The following CSMD1 variants were observed in gnomAD, a reference collection of about 807,000 sequenced individuals.
CSMD1 encodes CUB and Sushi multiple domains 1.
In CSMD1, 213 loss-of-function variants were observed where a neutral mutation model predicts 417.5. The observed-to-expected ratio is 0.51, with a 90% CI of 0.46 to 0.57. The LOEUF is 0.57. Among genes scored for constraint, CSMD1 ranks in the 20% least tolerant of loss-of-function variants. CSMD1 has a pLI of 0.00. For synonymous variants in CSMD1, 2,862 were observed against 1,736.8 expected (o/e 1.65, Z -16.11); for missense variants, 6,923 against 4,529.7 (o/e 1.53, Z -15.17).
intron 3 of CSMD1, among the ~76,000 whole-genome samples, chr8:4,127,339 G>C (rs1443125074): frequency 6.7e-6 from 1 of 149,798 alleles, no homozygotes; most frequent in Non-Finnish European, 1.5e-5. Context: ...GGCAGTACAA[G>C]CCTCTCCCTT....
intron 5 of CSMD1, among the ~76,000 whole-genome samples, chr8:3,801,683 G>T (rs567469932): frequency 6.6e-6 from 1 of 152,188 alleles, no homozygotes; most frequent in Admixed American, 6.5e-5. Flanking sequence ...AATATTCATG[G>T]CAGCATCATT....
intron 5 of CSMD1, among the ~76,000 whole-genome samples, chr8:3,852,391 G>A (rs1024742495): frequency 1.3e-5 from 2 of 152,130 alleles, no homozygotes; most frequent in African/African-American, 4.8e-5. Flanking sequence ...CCAAGTGGAT[G>A]AGCATGTACA....
chr8:3,499,131 T>C (rs892741380), intron 10 of CSMD1, among the ~76,000 whole-genome samples: 23 of 152,332 alleles, frequency 1.5e-4, no homozygotes, highest in African/African-American at 4.3e-4. Flanking sequence ...AATATTAGAA[T>C]GTAGTTTTAG....
chr8:4,043,567 G>T (rs1404907437), intron 3 of CSMD1, among the ~76,000 whole-genome samples: 7 of 152,326 alleles, frequency 4.6e-5, no homozygotes, highest in African/African-American at 1.7e-4. Context: ...GTGTGCTGCT[G>T]TCTGGCCGCC....
intron 3 of CSMD1, among the ~76,000 whole-genome samples, chr8:4,095,890 A>T (rs991004968): frequency 6.6e-6 from 1 of 152,212 alleles, no homozygotes; most frequent in Non-Finnish European, 1.5e-5. Context: ...TTAAGAGTAG[A>T]AACTTTATAC....
intron 1 of CSMD1, among the ~76,000 whole-genome samples, chr8:4,965,440 G>A (rs1217721673): frequency 6.6e-6 from 1 of 152,216 alleles, no homozygotes; most frequent in Non-Finnish European, 1.5e-5. Flanking sequence ...AGATAGATGA[G>A]TTGTCTCAGT....
In CSMD1 at chr8:4,855,285, A is replaced by T. The variant is rs556500901; in HGVS notation, c.85+139047T>A. ...CTGTACATAACCATCATCAAAGACCAAAAGTAGATAAAACCACAAAGATGG... is the reference window on the plus strand; with the variant it reads ...CTGTACATAACCATCATCAAAGACCTAAAGTAGATAAAACCACAAAGATGG... On this transcript the variant is annotated intron_variant, in intron 1 of 69. Transcript: ENST00000635120. Among the ~76,000 whole-genome samples, 4 of 151,868 alleles carry T rather than the reference A, an allele frequency of 2.6e-5. 1 individual carries two copies. The East Asian group carries it at 7.9e-4, about 30-fold the overall frequency.
chr8:4,300,981 G>T (rs905515203), intron 3 of CSMD1, among the ~76,000 whole-genome samples: 1 of 152,126 alleles, frequency 6.6e-6, no homozygotes, highest in Non-Finnish European at 1.5e-5. Context: ...TGTAAATAGT[G>T]CACTATAAAC....
intron 47 of CSMD1, 135 bp downstream of exon 47, chr8:3,096,714 T>A (rs914210264): frequency 3.1e-6 from 2 of 646,948 alleles, no homozygotes; most frequent in Non-Finnish European, 2.6e-6. Flanking sequence ...CCAAACTAGT[T>A]TATTTTTTGT....
chr8:3,444,218 G>C (rs1201826068), intron 12 of CSMD1, among the ~76,000 whole-genome samples: 3 of 152,100 alleles, frequency 2.0e-5, no homozygotes, highest in Non-Finnish European at 2.9e-5. Context: ...GAATCACTGG[G>C]CTGGATGACT....
At chr8:4,404,247 G>C (rs772950634) in intron 3 of CSMD1, among the ~76,000 whole-genome samples, 1 of 152,152 alleles carries the variant, frequency 6.6e-6, no homozygotes, top group South Asian at 2.1e-4. Context: ...GTCACCTTGT[G>C]ATAGGCTATA....
chr8:3,691,082 A>G (rs1219020602), intron 7 of CSMD1, among the ~76,000 whole-genome samples: 1 of 151,980 alleles, frequency 6.6e-6, no homozygotes, highest in South Asian at 2.1e-4. Flanking sequence ...AACTGTATCA[A>G]TGGGCCGGGC....
At position 3,082,534 on chromosome 8, in the gene CSMD1, G is replaced by A. The variant is rs140307293; in HGVS notation, c.7474+4563C>T. Among the ~76,000 whole-genome samples, 134 of 152,160 alleles carry A rather than the reference G, an allele frequency of 8.8e-4. 1 individual carries two copies. The highest frequency in any genetic ancestry group is 7.1e-3 in the Admixed American group (108 of 15,276). ...TCAGTTTTTAAGACTCTCTCCCTCCGGACTAGCAGAGCCATAAGAGCTGGG... is the reference window on the plus strand; with the variant it reads ...TCAGTTTTTAAGACTCTCTCCCTCCAGACTAGCAGAGCCATAAGAGCTGGG... On this transcript the variant is annotated intron_variant, in intron 49 of 69. Transcript: ENST00000635120.
rs1456749006 is a variant in CSMD1 at position 4,841,495 on chromosome 8, T to C, written c.85+152837A>G. Among the ~76,000 whole-genome samples, 24 of 152,160 alleles carry C rather than the reference T, an allele frequency of 1.6e-4. 1 individual carries two copies. Among genetic ancestry groups the C allele is most frequent in the Admixed American group, 1.6e-3 (24 of 15,280 alleles). On this transcript the variant is annotated intron_variant, in intron 1 of 69. Coordinates refer to ENST00000635120, the MANE Select transcript of CSMD1 (RefSeq NM_033225.6). ...AGCAAAGGAAATACCACTGGACAAGTCACTAAGTTTTCTTAAGTAAAATAA... is the reference window on the plus strand; with the variant it reads ...AGCAAAGGAAATACCACTGGACAAGCCACTAAGTTTTCTTAAGTAAAATAA...
At chr8:4,914,370 A>C (rs1276761369) in intron 1 of CSMD1, among the ~76,000 whole-genome samples, 2 of 152,032 alleles carry the variant, frequency 1.3e-5, no homozygotes, top group Non-Finnish European at 2.9e-5. Context: ...AGGTCAGGAG[A>C]TCGAGACCAT....
At chr8:4,765,399 G>A (rs1352148969) in intron 1 of CSMD1, among the ~76,000 whole-genome samples, 2 of 152,160 alleles carry the variant, frequency 1.3e-5, no homozygotes, top group African/African-American at 4.8e-5. Flanking sequence ...ATACATTGAG[G>A]ATTATAGTCT....
At chr8:3,669,597 A>G (rs916711167) in intron 7 of CSMD1, among the ~76,000 whole-genome samples, 11 of 152,204 alleles carry the variant, frequency 7.2e-5, no homozygotes, top group Admixed American at 5.9e-4. Context: ...CCGGACAGAA[A>G]ATCACGACAG....
At chr8:4,086,870 A>G (rs1800449009) in intron 3 of CSMD1, among the ~76,000 whole-genome samples, 1 of 152,160 alleles carries the variant, frequency 6.6e-6, no homozygotes, top group Non-Finnish European at 1.5e-5. Context: ...GTAGCATAAG[A>G]GAGTAAACTG....
At chr8:4,376,983 G>T (rs1802790171) in intron 3 of CSMD1, among the ~76,000 whole-genome samples, 1 of 152,164 alleles carries the variant, frequency 6.6e-6, no homozygotes, top group African/African-American at 2.4e-5. Flanking sequence ...GCACCAGCAT[G>T]GCAGAAGCTG....
Sources: gnomAD v4.1 joint callset for allele counts (sites outside exome capture counted in the v4.1 genomes callset) on GRCh38, gnomAD v4.1.1 for gene constraint, MANE v1.5 for transcripts, NCBI Gene and HGNC (gene_info 2026-07-23, HGNC 2026-07-21) for gene names.